COG4: variants seen among roughly 807,000 people sequenced by gnomAD.
COG4 encodes conserved oligomeric Golgi complex subunit 4.
A neutral mutation model predicts 95.1 loss-of-function variants in COG4; 65 were observed. That is an observed-to-expected ratio of 0.68 (90% CI 0.56 to 0.84). The LOEUF is 0.84. COG4 is among the 40% of genes least tolerant of loss of function. The pLI is 0.00. For missense variants in COG4, 1,045 were observed against 989.1 expected (o/e 1.06, Z -0.76); for synonymous variants, 421 against 374.8 (o/e 1.12, Z -1.42).
In COG4 at chr16:70,517,745, A is replaced by G; in HGVS notation, c.255-5T>C. ...TCAATCAGCTGCAGATTAGGACTGG[A>G]GAAATACATTGTTAGCATACACATA... On this transcript the variant is annotated splice_polypyrimidine_tract_variant and splice_region_variant and intron_variant, in intron 2 of 18. Coordinates refer to ENST00000323786, the MANE Select transcript of COG4 (RefSeq NM_015386.3). 1 of 1,592,248 alleles carries G rather than the reference A, an allele frequency of 6.3e-7. No homozygotes were observed. Among genetic ancestry groups the G allele is most frequent in the South Asian group, 1.1e-5 (1 of 90,584 alleles).
chr16:70,523,362 C>T lies in COG4; in HGVS notation c.171+11G>A, dbSNP rs769223281. 6 of 1,613,910 alleles carry T rather than the reference C, an allele frequency of 3.7e-6. No homozygotes were observed. In the African/African-American group the frequency reaches 5.3e-5, roughly 14 times the overall value. On this transcript the variant is annotated intron_variant, in intron 1 of 18. Coordinates refer to ENST00000323786, the MANE Select transcript of COG4 (RefSeq NM_015386.3). ...GATCCTCCATGAAAAAGAAGAGGCTCGACCCCGCACCTCCTCGCCGCAGAG... is the reference window on the plus strand; with the variant it reads ...GATCCTCCATGAAAAAGAAGAGGCTTGACCCCGCACCTCCTCGCCGCAGAG...
At chr16:70,489,220 ATTTT>A (rs34101495) in intron 13 of COG4, among the ~76,000 whole-genome samples, 2 of 141,858 alleles carry the variant, frequency 1.4e-5, no homozygotes, top group African/African-American at 5.2e-5. Flanking sequence ...TTTGATCCTG[ATTTT>A]TTTTTTTTTT....
At chr16:70,482,855 GA>G in intron 14 of COG4, 34 bp from the exon 15 acceptor site, 2 of 1,544,888 alleles carry the variant, frequency 1.3e-6, no homozygotes, top group Non-Finnish European at 1.8e-6. Context: ...ATGTGACACA[GA>G]AGGCACGACT....
intron 1 of COG4, among the ~76,000 whole-genome samples, chr16:70,521,542 C>T (rs2049942556): frequency 6.6e-6 from 1 of 151,880 alleles, no homozygotes; most frequent in African/African-American, 2.4e-5. Context: ...TTATTAAAAT[C>T]GTTCTGTAGG....
chr16:70,508,778 T>C, intron 7 of COG4: 2 of 584,114 alleles, frequency 3.4e-6, no homozygotes, highest in South Asian at 1.5e-5. Flanking sequence ...CCTATTTCTA[T>C]GTCGTACTTT....
rs192873878 is a variant in COG4, at chr16:70,485,942, C to A, written c.1711-1973G>T. 5.5e-5 allele frequency among the ~76,000 whole-genome samples: 8 copies of A among 145,472 alleles called. No homozygotes were observed. In the East Asian group the frequency reaches 1.2e-3, roughly 22 times the overall value. On this transcript the variant is annotated intron_variant, in intron 13 of 18. Transcript: ENST00000323786. ...ACGGAGTCTTGCTCTATAACCCAGG[C>A]TGGAGTGCAGTGGCTTGATCTCGGT...
At position 70,509,967 on chromosome 16, in the gene COG4, C is replaced by T. The variant is rs756877483; in HGVS notation, c.793G>A (p.Asp265Asn). The T allele has an allele frequency of 6.8e-6, 11 of 1,613,928 alleles. No homozygotes were observed. Among genetic ancestry groups the T allele is most frequent in the African/African-American group, 1.3e-5 (1 of 74,932 alleles). ...LLMVLGTDMSDRRAAVIFADT... is the reference protein window; with the variant it reads ...LLMVLGTDMSNRRAAVIFADT... The stretch of plus-strand genomic sequence containing the variant: ...GCAAAGATGACTGCAGCTCTCCGAT[C>T]ACTCATGTCTGTCCCCAGCACCATG... The change falls in exon 6 of 19, where the codon GAT becomes AAT. Residue 265 changes from aspartate to asparagine, a missense_variant. Asp to Asn is a conservative substitution (Grantham distance 23). Transcript: ENST00000323786.
intron 12 of COG4, among the ~76,000 whole-genome samples, chr16:70,494,348 C>T (rs968581153): frequency 6.6e-6 from 1 of 152,112 alleles, no homozygotes; most frequent in African/African-American, 2.4e-5. Flanking sequence ...TATTCCCTGC[C>T]CACAGTGCAT....
intron 13 of COG4, among the ~76,000 whole-genome samples, chr16:70,484,381 G>A (rs2049084787): frequency 6.6e-6 from 1 of 152,198 alleles, no homozygotes; most frequent in African/African-American, 2.4e-5. Flanking sequence ...CTAGCTCAAT[G>A]CCTGGCACAG....
chr16:70,513,055 C>G (rs1170816030), intron 4 of COG4, among the ~76,000 whole-genome samples: 1 of 152,216 alleles, frequency 6.6e-6, no homozygotes. Context: ...TGACATCCCA[C>G]CTCTCAAAGA....
intron 8 of COG4, among the ~76,000 whole-genome samples, chr16:70,505,064 G>A (rs2049533022): frequency 6.6e-6 from 1 of 152,112 alleles, no homozygotes; most frequent in East Asian, 1.9e-4. Flanking sequence ...CTACTTTATA[G>A]ACCATAGATG....
chr16:70,482,215 A>AGTC, intron 15 of COG4, 40 bp from the exon 16 acceptor site: 1 of 1,251,610 alleles, frequency 8.0e-7, no homozygotes, highest in Non-Finnish European at 1.2e-6. Flanking sequence ...TGGGCCTCAT[A>AGTC]AGAAGTACCA....
At chr16:70,483,707 G>T in intron 14 of COG4, 146 bp downstream of exon 14, 2 of 763,546 alleles carry the variant, frequency 2.6e-6, no homozygotes, top group Non-Finnish European at 4.8e-6. Flanking sequence ...AGTCTCAAGG[G>T]ACCTGCACAA....
intron 13 of COG4, among the ~76,000 whole-genome samples, chr16:70,489,589 C>A (rs2049203898): frequency 6.7e-6 from 1 of 149,836 alleles, no homozygotes; most frequent in South Asian, 2.1e-4. Flanking sequence ...ATTGCCCAGG[C>A]TGGTCTCAAA....
chr16:70,510,467 C>T (rs925666697), intron 5 of COG4, among the ~76,000 whole-genome samples: 14 of 152,108 alleles, frequency 9.2e-5, no homozygotes, highest in African/African-American at 1.4e-4. Flanking sequence ...GAACTATAGG[C>T]GAGAGCCACC....
At chr16:70,517,830 T>C in intron 2 of COG4, 90 bp from the exon 3 acceptor site, 2 of 797,514 alleles carry the variant, frequency 2.5e-6, no homozygotes, top group Non-Finnish European at 2.2e-6. Flanking sequence ...TGTCTTCTAC[T>C]TCTTTCATAC....
intron 10 of COG4, 84 bp downstream of exon 10, chr16:70,497,853 A>G: frequency 1.2e-6 from 1 of 844,642 alleles, no homozygotes; most frequent in Admixed American, 1.7e-5. Context: ...AGGACCAATA[A>G]ATATGACATG....
rs191587020 is a variant in COG4, at chr16:70,493,266, T to G, written c.1648-2874A>C. Among the ~76,000 whole-genome samples, 6 of 152,176 alleles carry G rather than the reference T, an allele frequency of 3.9e-5. No homozygotes were observed. The East Asian group carries it at 9.7e-4, about 25-fold the overall frequency. ...TTGTCTGCATGGATCTAGCCTGTTT[T>G]CTTCACCACTGCGTCTCTATACAGC... On this transcript the variant is annotated intron_variant, in intron 12 of 18. Transcript: ENST00000323786.
At chr16:70,495,898 G>A (rs2049330559) in intron 12 of COG4, among the ~76,000 whole-genome samples, 2 of 152,102 alleles carry the variant, frequency 1.3e-5, no homozygotes, top group South Asian at 2.1e-4. Flanking sequence ...CCCATGCTGC[G>A]GGCCTCTCCT....
Sources: allele counts gnomAD v4.1 joint callset (sites outside exome capture counted in the v4.1 genomes callset), GRCh38; gene constraint gnomAD v4.1.1; transcripts MANE v1.5; gene names NCBI Gene and HGNC (gene_info 2026-07-23, HGNC 2026-07-21).